The following TP63 variants were observed in gnomAD, a reference collection of about 807,000 sequenced individuals.
TP63 encodes the protein tumor protein 63.
TP63 carries 17 observed loss-of-function variants against 82.8 expected under a neutral mutation model. The ratio of observed to expected loss-of-function variants is 0.21; its 90% CI spans 0.14 to 0.31. The LOEUF is 0.31. Ranked by LOEUF, TP63 falls within the 10% of genes least tolerant of loss-of-function variation. The pLI, the probability that TP63 is intolerant of heterozygous loss-of-function variation, is 1.00. For synonymous variants in TP63, 330 were observed against 321.7 expected, an observed-to-expected ratio of 1.03 and a Z score of -0.28; for missense variants, 648 against 895.3, an observed-to-expected ratio of 0.72 and a Z score of 3.52.
chr3:189,867,662 C>T (rs562489972), intron 6 of TP63, among the ~76,000 whole-genome samples, 171 bp from the exon 7 acceptor site: 1 of 152,324 alleles, frequency 6.6e-6, no homozygotes, highest in South Asian at 2.1e-4. Flanking sequence ...CTTTAAGCTT[C>T]CCCGCAGGCA....
chr3:189,875,206 A>C (rs1718902139), intron 10 of TP63, among the ~76,000 whole-genome samples: 1 of 151,854 alleles, frequency 6.6e-6, no homozygotes. Context: ...TGGACCCTAA[A>C]ATTTGAATTT....
chr3:189,717,694 C>T (rs1719064931), intron 1 of TP63, among the ~76,000 whole-genome samples: 1 of 152,194 alleles, frequency 6.6e-6, no homozygotes, highest in Non-Finnish European at 1.5e-5. Context: ...CTTAATGCTT[C>T]TGCAAAATCT....
At chr3:189,633,645 A>G (rs1415781035) in intron 1 of TP63, among the ~76,000 whole-genome samples, 3 of 152,042 alleles carry the variant, frequency 2.0e-5, no homozygotes, top group Non-Finnish European at 4.4e-5. Flanking sequence ...GGTGCCTGAT[A>G]CTTTTGGGGA....
chr3:189,875,539 C>G (rs1478530840), intron 10 of TP63, among the ~76,000 whole-genome samples: 1 of 141,870 alleles, frequency 7.0e-6, no homozygotes, highest in East Asian at 2.1e-4. Flanking sequence ...GCACTCCAGC[C>G]TGGGCAACAG....
chr3:189,800,257 CAG>C (rs933364887), intron 3 of TP63, among the ~76,000 whole-genome samples: 3 of 152,002 alleles, frequency 2.0e-5, no homozygotes, highest in Non-Finnish European at 4.4e-5. Flanking sequence ...TTGGCCAGAG[CAG>C]AGTTTCAAAT....
chr3:189,805,201 T>C (rs1415744579), intron 3 of TP63, among the ~76,000 whole-genome samples: 1 of 152,240 alleles, frequency 6.6e-6, no homozygotes, highest in Non-Finnish European at 1.5e-5. Flanking sequence ...TTTCTTTTCC[T>C]TAATATCCAT....
intron 3 of TP63, among the ~76,000 whole-genome samples, chr3:189,765,501 T>A (rs981029757): frequency 3.9e-5 from 5 of 129,480 alleles, no homozygotes; most frequent in South Asian, 2.8e-4. Context: ...AGTGGGGGGA[T>A]CTTGGCTCAC....
chr3:189,771,356 AAT>A (rs1450880860), intron 3 of TP63, among the ~76,000 whole-genome samples: 1 of 110,044 alleles, frequency 9.1e-6, no homozygotes, highest in African/African-American at 4.5e-5. Flanking sequence ...TAATATATTA[AAT>A]ATATAATATA....
chr3:189,631,454 G>T lies in TP63; in HGVS notation c.-62G>T, dbSNP rs1372351385. 3.7e-6 allele frequency: 6 copies of T among 1,607,566 alleles called. No homozygotes were observed. The African/African-American group carries it at 4.0e-5, about 11-fold the overall frequency. On this transcript the variant is annotated 5_prime_UTR_variant, in exon 1 of 14. Coordinates refer to ENST00000264731, the MANE Select transcript of TP63 (RefSeq NM_003722.5). Reference sequence around the variant, plus strand: ...CGGCTTTATATCTATATATACACAGGTATATGTGTATATTTTATATAATTG... The same window carrying T: ...CGGCTTTATATCTATATATACACAGTTATATGTGTATATTTTATATAATTG...
intron 1 of TP63, among the ~76,000 whole-genome samples, chr3:189,676,824 C>T (rs28887633): frequency 0.29 from 43,424 of 151,900 alleles, 6,764 homozygotes; most frequent in African/African-American, 0.4. Flanking sequence ...TAATTCCTGA[C>T]GATCTGAGGT....
intron 7 of TP63, among the ~76,000 whole-genome samples, chr3:189,868,249 A>G (rs965617958): frequency 1.3e-5 from 2 of 152,150 alleles, no homozygotes; most frequent in African/African-American, 4.8e-5. Context: ...AGTTTTTTTT[A>G]AGTCTGCGCT....
intron 1 of TP63, among the ~76,000 whole-genome samples, chr3:189,634,350 G>GAA (rs200642646): frequency 7.7e-4 from 116 of 150,140 alleles, no homozygotes; most frequent in African/African-American, 2.6e-3. Context: ...TTACAGAATA[G>GAA]AAAAAAAAAT....
At chr3:189,685,793 C>T (rs1458202028) in intron 1 of TP63, among the ~76,000 whole-genome samples, 1 of 152,022 alleles carries the variant, frequency 6.6e-6, no homozygotes, top group African/African-American at 2.4e-5. Flanking sequence ...TCATCTTACC[C>T]CAGACATGTA....
the TP63 span, among the ~76,000 whole-genome samples, chr3:189,622,570 G>T: frequency 6.6e-6 from 1 of 152,126 alleles, no homozygotes; most frequent in African/African-American, 2.4e-5. Flanking sequence ...TAAAAATTCT[G>T]GTTTTGAAGA....
intron 2 of TP63, among the ~76,000 whole-genome samples, chr3:189,738,373 A>G (rs1218926593): frequency 6.6e-6 from 1 of 152,190 alleles, no homozygotes; most frequent in East Asian, 1.9e-4. Flanking sequence ...TCACAGATAC[A>G]TCCGTTATTT....
At chr3:189,687,185 G>T (rs1490906493) in intron 1 of TP63, among the ~76,000 whole-genome samples, 1 of 152,120 alleles carries the variant, frequency 6.6e-6, no homozygotes, top group East Asian at 1.9e-4. Context: ...GTTCAATAGA[G>T]TCTGGAGTAC....
At chr3:189,848,880 T>G (rs946268381) in intron 4 of TP63, among the ~76,000 whole-genome samples, 1 of 152,178 alleles carries the variant, frequency 6.6e-6, no homozygotes, top group African/African-American at 2.4e-5. Context: ...ATGCTGCCTT[T>G]TTTGTATGCT....
At chr3:189,637,855 G>A (rs1418687109) in intron 1 of TP63, among the ~76,000 whole-genome samples, 1 of 152,100 alleles carries the variant, frequency 6.6e-6, no homozygotes, top group Non-Finnish European at 1.5e-5. Flanking sequence ...TTTAAAGTAG[G>A]TGGAATAACT....
At chr3:189,712,383 A>G (rs912849184) in intron 1 of TP63, among the ~76,000 whole-genome samples, 6 of 152,202 alleles carry the variant, frequency 3.9e-5, no homozygotes, top group Admixed American at 3.3e-4. Flanking sequence ...GTGCTGTAAC[A>G]AAATACCATA....
Sources: gnomAD v4.1 joint callset for allele counts (sites outside exome capture counted in the v4.1 genomes callset) on GRCh38, gnomAD v4.1.1 for gene constraint, MANE v1.5 for transcripts, NCBI Gene and HGNC (gene_info 2026-07-23, HGNC 2026-07-21) for gene names.